The following SCN3B variants were observed in gnomAD, a reference collection of about 807,000 sequenced individuals.
SCN3B encodes sodium channel regulatory subunit beta-3.
In SCN3B, 11 loss-of-function variants were observed where a neutral mutation model predicts 25.4. The ratio of observed to expected loss-of-function variants is 0.43; its 90% confidence interval spans 0.27 to 0.72. The LOEUF (loss-of-function observed/expected upper bound fraction) is 0.72, where lower values mean the gene tolerates loss of function less well. Ranked by LOEUF, SCN3B falls within the 30% of genes least tolerant of loss-of-function variation. The pLI is 0.18. For missense variants in SCN3B, 218 were observed against 278.3 expected, an observed-to-expected ratio of 0.78 and a Z score of 1.54; for synonymous variants, 109 against 110.7, an observed-to-expected ratio of 0.99 and a Z score of 0.09.
Position 123,638,335 on chromosome 11 carries a change from G to C in SCN3B, c.446-11C>G. Reference sequence around the variant, plus strand: ...TGAAGTCCTCTCCAGCTGAAAGAAAGAGAATGAGGTTCAGAATATGCAAAT... The same window carrying C: ...TGAAGTCCTCTCCAGCTGAAAGAAACAGAATGAGGTTCAGAATATGCAAAT... On this transcript the variant is annotated splice_polypyrimidine_tract_variant and intron_variant, in intron 4 of 6. Coordinates refer to ENST00000299333, the MANE Select transcript of SCN3B (RefSeq NM_001040151.2). 1.2e-6 allele frequency: 2 copies of C among 1,613,812 alleles called. No homozygotes were observed. The highest frequency in any genetic ancestry group is 2.2e-5 in the South Asian group (2 of 91,080).
rs1315314724 is a variant in SCN3B, at chr11:123,642,235, G to A, written c.445+211C>T. On this transcript the variant is annotated intron_variant, in intron 4 of 6. Transcript: ENST00000299333. This position sits in a 1 kb window ranked among gnomAD's most constrained non-coding sequence, Gnocchi z 4.3. The stretch of plus-strand genomic sequence containing the variant: ...TCATCTCCAAGCCTTTCTGCTTTGA[G>A]GAAAGGCACAGAAAGACAAGCTGCT... Among the ~76,000 whole-genome samples, 1 of 152,152 alleles carries A rather than the reference G, an allele frequency of 6.6e-6. No individual in the cohort carries two copies. Among genetic ancestry groups the A allele is most frequent in the Non-Finnish European group, 1.5e-5 (1 of 68,032 alleles).
chr11:123,645,791 GT>G, intron 2 of SCN3B, 41 bp from the exon 3 acceptor site: 1 of 1,604,228 alleles, frequency 6.2e-7, no homozygotes, highest in South Asian at 1.1e-5. Flanking sequence ...ACAGCAGGTG[GT>G]GGGGGAGGGG....
chr11:123,637,527 C>T (rs1222025026), intron 5 of SCN3B, among the ~76,000 whole-genome samples: 4 of 151,864 alleles, frequency 2.6e-5, no homozygotes, highest in Non-Finnish European at 5.9e-5. Flanking sequence ...TGTTTTTGGG[C>T]TTTTATTGTT....
intron 2 of SCN3B, among the ~76,000 whole-genome samples, chr11:123,653,292 T>C (rs1385687145): frequency 6.6e-6 from 1 of 151,912 alleles, no homozygotes; most frequent in African/African-American, 2.4e-5. Context: ...TAAAGTATTT[T>C]CACTCTCAAA....
chr11:123,642,476 G>A lies in SCN3B; in HGVS notation c.415C>T (p.Arg139Trp), dbSNP rs368054375. ...TCGGTGACTCTTAGGGGGATCAGCC[G>A]CGTCGTCTTCACAAAGGGCCGATGC... ...EAHRPFVKTT[R>W]LIPLRVTEEA... Residue 139 changes from arginine (R) to tryptophan (W), a missense_variant, in exon 4 of 7, where the codon CGG (arginine) becomes TGG (tryptophan). Transcript: ENST00000299333. This position sits in a 1 kb window ranked among gnomAD's most constrained non-coding sequence, Gnocchi z 4.3. The A allele has an allele frequency of 9.9e-5, 159 of 1,613,970 alleles. No homozygotes were observed. The highest frequency in any genetic ancestry group is 1.3e-4 in the Non-Finnish European group (149 of 1,180,028).
chr11:123,646,791 C>T (rs765558301), intron 2 of SCN3B, among the ~76,000 whole-genome samples: 2 of 152,122 alleles, frequency 1.3e-5, no homozygotes, highest in Non-Finnish European at 2.9e-5. Flanking sequence ...ATGTACAGTA[C>T]GCAGGAGGAA....
In SCN3B at chr11:123,642,447, C is replaced by G. The variant is rs1439704735; in HGVS notation, c.444G>C (p.Glu148Asp). 2.5e-6 allele frequency: 4 copies of G among 1,614,040 alleles called. No individual in the cohort carries two copies. Among genetic ancestry groups the G allele is most frequent in the Non-Finnish European group, 1.7e-6 (2 of 1,180,018 alleles). ...AGAGACCCTGTGCCTCAGCCTCACC[C>G]TCCTCGGTGACTCTTAGGGGGATCA... is the stretch of plus-strand genomic sequence containing the variant. The part of the protein sequence containing the change: ...TRLIPLRVTE[E>D]AGEDFTSVVS... The change falls in exon 4 of 7, where the codon GAG becomes GAC. Residue 148 changes from glutamate to aspartate, a missense_variant and splice_region_variant. By Grantham distance (45) the Glu-to-Asp change is conservative (BLOSUM62 2). Coordinates refer to ENST00000299333, the MANE Select transcript of SCN3B (RefSeq NM_001040151.2). The surrounding 1 kb of genome is among the most constrained non-coding windows in gnomAD (Gnocchi z 4.3).
chr11:123,653,059 A>T (rs901098772), intron 2 of SCN3B, among the ~76,000 whole-genome samples: 1 of 152,110 alleles, frequency 6.6e-6, no homozygotes, highest in African/African-American at 2.4e-5. Context: ...GACAAGCAAG[A>T]ATCTATTCAC....
chr11:123,642,342 G>A lies in SCN3B; in HGVS notation c.445+104C>T, dbSNP rs1010014564. The A allele has an allele frequency of 1.0e-5, 11 of 1,080,358 alleles. No individual in the cohort carries two copies. The highest frequency in any genetic ancestry group is 1.8e-5 in the Admixed American group (1 of 56,238). 66.9% of individuals were successfully genotyped at this position (1,080,358 alleles called of 1,614,324 possible). Reference sequence around the variant, plus strand: ...TAGATGTCACCATTCCAAATACATGGGTTTTTGCACTCTTTAAGGGCCTCA... The same window carrying A: ...TAGATGTCACCATTCCAAATACATGAGTTTTTGCACTCTTTAAGGGCCTCA... On this transcript the variant is annotated intron_variant, in intron 4 of 6. Coordinates refer to ENST00000299333, the MANE Select transcript of SCN3B (RefSeq NM_001040151.2). This position sits in a 1 kb window ranked among gnomAD's most constrained non-coding sequence, Gnocchi z 4.3.
At position 123,634,175 on chromosome 11, in the gene SCN3B, T is replaced by C; in HGVS notation, c.616A>G (p.Lys206Glu). 6.2e-7 allele frequency: 1 copy of C among 1,613,832 alleles called. No individual in the cohort carries two copies. The highest frequency in any genetic ancestry group is 8.5e-7 in the Non-Finnish European group (1 of 1,179,876). The stretch of plus-strand genomic sequence containing the variant: ...TCCACTGGTACCGCAGAGTTCTCCT[T>C]GTTCTCAGATGGGATGGCAAGGTAG... The part of the protein sequence containing the change: ...SDYLAIPSEN[K>E]ENSAVPVEE Residue 206 changes from lysine (K) to glutamate (E), a missense_variant, in exon 6 of 7, where the codon AAG (lysine) becomes GAG (glutamate). Transcript: ENST00000299333.
intron 2 of SCN3B, among the ~76,000 whole-genome samples, chr11:123,652,086 A>G (rs1186359603): frequency 6.6e-6 from 1 of 152,234 alleles, no homozygotes; most frequent in African/African-American, 2.4e-5. Context: ...GAATTCAGGC[A>G]GGGATCTCAA....
intron 1 of SCN3B, 78 bp downstream of exon 1, chr11:123,654,148 C>A: frequency 2.3e-6 from 1 of 434,118 alleles, no homozygotes; most frequent in Non-Finnish European, 4.3e-6. Flanking sequence ...TCGTTTGCGC[C>A]CAGGGTAAGC....
At chr11:123,646,026 A>G (rs902244698) in intron 2 of SCN3B, among the ~76,000 whole-genome samples, 1 of 152,162 alleles carries the variant, frequency 6.6e-6, no homozygotes, top group African/African-American at 2.4e-5. Flanking sequence ...ACCGTACATT[A>G]TACTTGAGCC....
chr11:123,642,706 G>T lies in SCN3B; in HGVS notation c.220-35C>A. ...GAGGAGCAGAAGAGGGTAGGGCCAGGAAAGGAGATGGCAGTGGGGGGAAGC... is the reference window on the plus strand; with the variant it reads ...GAGGAGCAGAAGAGGGTAGGGCCAGTAAAGGAGATGGCAGTGGGGGGAAGC... On this transcript the variant is annotated intron_variant, in intron 3 of 6. Coordinates refer to ENST00000299333, the MANE Select transcript of SCN3B (RefSeq NM_001040151.2). The surrounding 1 kb of genome is among the most constrained non-coding windows in gnomAD (Gnocchi z 4.3). 1 of 1,549,730 alleles carries T rather than the reference G, an allele frequency of 6.5e-7. No individual in the cohort carries two copies.
intron 3 of SCN3B, among the ~76,000 whole-genome samples, chr11:123,643,109 G>C (rs114112515): frequency 2.0e-5 from 3 of 152,146 alleles, no homozygotes; most frequent in African/African-American, 7.2e-5. Flanking sequence ...AAGAGAACAA[G>C]GTAGAGACAG....
Position 123,645,455 on chromosome 11 carries a change from C to T in SCN3B, c.219+132G>A, listed in dbSNP as rs185538927. ...CTTCACTAAGGCTGTCAGTTATCTGCTGAGGATCTGTCAGTGTTTGGAAGA... is the reference window on the plus strand; with the variant it reads ...CTTCACTAAGGCTGTCAGTTATCTGTTGAGGATCTGTCAGTGTTTGGAAGA... On this transcript the variant is annotated intron_variant, in intron 3 of 6. Coordinates refer to ENST00000299333, the MANE Select transcript of SCN3B (RefSeq NM_001040151.2). 1.8e-5 allele frequency: 18 copies of T among 984,590 alleles called. No individual in the cohort carries two copies. In the African/African-American group the frequency reaches 2.1e-4, roughly 11 times the overall value. 61.0% of individuals were successfully genotyped at this position (984,590 alleles called of 1,614,324 possible).
At chr11:123,644,805 ATAT>A (rs1565496849) in intron 3 of SCN3B, among the ~76,000 whole-genome samples, 8 of 36,624 alleles carry the variant, frequency 2.2e-4, no homozygotes, top group African/African-American at 1.4e-3. Context: ...GAGAGAATAT[ATAT>A]ATATATATAT....
At chr11:123,641,874 C>A (rs1313690525) in intron 4 of SCN3B, among the ~76,000 whole-genome samples, 1 of 152,180 alleles carries the variant, frequency 6.6e-6, no homozygotes, top group Non-Finnish European at 1.5e-5. Flanking sequence ...GAGAGAGGTT[C>A]TCAAGGTGTG....
At chr11:123,637,154 C>G (rs553751980) in intron 5 of SCN3B, among the ~76,000 whole-genome samples, 1 of 152,272 alleles carries the variant, frequency 6.6e-6, no homozygotes, top group South Asian at 2.1e-4. Flanking sequence ...CTTACAGACC[C>G]CACCGTTTCT....
Sources: allele counts gnomAD v4.1 joint callset (sites outside exome capture counted in the v4.1 genomes callset), GRCh38; gene constraint gnomAD v4.1.1; non-coding constraint Gnocchi (gnomAD v3.1); transcripts MANE v1.5; gene names NCBI Gene and HGNC (gene_info 2026-07-23, HGNC 2026-07-21).